CACNA2D3: variants seen among roughly 807,000 people sequenced by gnomAD.
CACNA2D3 encodes calcium voltage-gated channel auxiliary subunit alpha2delta 3.
A neutral mutation model predicts 160.6 loss-of-function variants in CACNA2D3; 60 were observed. That is an observed-to-expected ratio of 0.37 (90% CI 0.30 to 0.46). The LOEUF is 0.46. Ranked by LOEUF, CACNA2D3 falls within the 20% of genes least tolerant of loss-of-function variation. The pLI, the probability that CACNA2D3 is intolerant of heterozygous loss-of-function variation, is 1.00. For synonymous variants in CACNA2D3, 558 were observed against 492.9 expected (o/e 1.13, Z -1.75); for missense variants, 1,205 against 1,365.0 (o/e 0.88, Z 1.85).
chr3:54,947,751 G>T (rs577579993), intron 27 of CACNA2D3, among the ~76,000 whole-genome samples: 1 of 152,254 alleles, frequency 6.6e-6, no homozygotes, highest in Non-Finnish European at 1.5e-5. Context: ...TTCCAAATAT[G>T]AAGGGCTTGG....
intron 11 of CACNA2D3, among the ~76,000 whole-genome samples, chr3:54,707,074 C>T (rs984842995): frequency 3.9e-5 from 6 of 152,142 alleles, no homozygotes; most frequent in South Asian, 2.1e-4. Context: ...GCGTAGAAGG[C>T]GTATTAATGG....
intron 11 of CACNA2D3, among the ~76,000 whole-genome samples, chr3:54,736,029 A>G (rs867977983): frequency 1.4e-5 from 1 of 70,078 alleles, no homozygotes; most frequent in East Asian, 3.0e-4. Context: ...ACATACATAT[A>G]TATATGTATA....
chr3:54,590,689 CT>C (rs1702842054), intron 9 of CACNA2D3, among the ~76,000 whole-genome samples: 1 of 151,934 alleles, frequency 6.6e-6, no homozygotes, highest in Admixed American at 6.6e-5. Flanking sequence ...TCAAGTGATC[CT>C]GCTGTCTCCA....
intron 17 of CACNA2D3, among the ~76,000 whole-genome samples, chr3:54,851,098 TTTG>T (rs1699047320): frequency 6.6e-6 from 1 of 152,176 alleles, no homozygotes; most frequent in Non-Finnish European, 1.5e-5. Flanking sequence ...TTTTTATTTG[TTTG>T]TTGTTGTTGG....
intron 27 of CACNA2D3, among the ~76,000 whole-genome samples, chr3:54,962,334 A>G (rs1702049781): frequency 1.3e-5 from 2 of 152,022 alleles, no homozygotes; most frequent in Non-Finnish European, 1.5e-5. Context: ...CTGATATAAC[A>G]CTCTAAGGAA....
intron 31 of CACNA2D3, among the ~76,000 whole-genome samples, chr3:54,988,079 G>A (rs1702656753): frequency 6.6e-6 from 1 of 152,168 alleles, no homozygotes; most frequent in African/African-American, 2.4e-5. Flanking sequence ...GTTTTCACCT[G>A]GCCGGAAGGG....
intron 4 of CACNA2D3, among the ~76,000 whole-genome samples, chr3:54,468,535 T>G (rs1460488730): frequency 6.6e-6 from 1 of 152,162 alleles, no homozygotes; most frequent in African/African-American, 2.4e-5. Context: ...TAGCTGCAGT[T>G]TTTTTCATGT....
intron 10 of CACNA2D3, among the ~76,000 whole-genome samples, chr3:54,635,788 C>G (rs1343711429): frequency 6.6e-6 from 1 of 151,694 alleles, no homozygotes; most frequent in Non-Finnish European, 1.5e-5. Context: ...TGAAAAACTG[C>G]TTGGCTGATT....
intron 2 of CACNA2D3, among the ~76,000 whole-genome samples, chr3:54,244,185 T>G (rs915080980): frequency 4.6e-5 from 7 of 152,164 alleles, no homozygotes; most frequent in Non-Finnish European, 1.0e-4. Flanking sequence ...TCCTCCCACT[T>G]TCTTTTGGTA....
At chr3:54,522,933 T>TTTAC (rs61291743) in intron 5 of CACNA2D3, among the ~76,000 whole-genome samples, 8,949 of 135,258 alleles carry the variant, frequency 0.066, 476 homozygotes, top group East Asian at 0.26. Flanking sequence ...TATTTATTTA[T>TTTAC]TTACTTACTT....
At chr3:54,588,508 A>G (rs1300374065) in intron 9 of CACNA2D3, among the ~76,000 whole-genome samples, 1 of 152,168 alleles carries the variant, frequency 6.6e-6, no homozygotes, top group Non-Finnish European at 1.5e-5. Context: ...AAGAAGTAAA[A>G]CTTCCTATTT....
intron 35 of CACNA2D3, among the ~76,000 whole-genome samples, chr3:55,032,753 G>A (rs1243734284): frequency 6.6e-6 from 1 of 152,128 alleles, no homozygotes; most frequent in Non-Finnish European, 1.5e-5. Flanking sequence ...AAAAACCGGT[G>A]CCTGGCATTT....
intron 2 of CACNA2D3, among the ~76,000 whole-genome samples, chr3:54,140,901 A>C (rs533160540): frequency 1.3e-5 from 2 of 152,322 alleles, no homozygotes; most frequent in African/African-American, 4.8e-5. Context: ...TTACCAGCTG[A>C]GAAAACTGGG....
At chr3:54,242,224 C>A (rs1403845993) in intron 2 of CACNA2D3, among the ~76,000 whole-genome samples, 2 of 152,014 alleles carry the variant, frequency 1.3e-5, no homozygotes, top group African/African-American at 4.8e-5. Flanking sequence ...AGTTCCAGAC[C>A]AGCCTGGCCA....
At chr3:54,845,121 G>A (rs1056245290) in intron 16 of CACNA2D3, among the ~76,000 whole-genome samples, 2 of 151,336 alleles carry the variant, frequency 1.3e-5, no homozygotes, top group Admixed American at 1.3e-4. Context: ...TATCATTAGA[G>A]TCAAGTAGAA....
chr3:54,845,595 AC>A (rs1698915148), intron 16 of CACNA2D3, among the ~76,000 whole-genome samples: 1 of 152,256 alleles, frequency 6.6e-6, no homozygotes, highest in Non-Finnish European at 1.5e-5. Context: ...GGTGCAGTCA[AC>A]TGTGTAATAG....
intron 9 of CACNA2D3, among the ~76,000 whole-genome samples, chr3:54,616,611 T>C (rs560101114): frequency 6.6e-6 from 1 of 152,350 alleles, no homozygotes; most frequent in East Asian, 1.9e-4. Context: ...TTTTGGAGGC[T>C]GGCTGCCAAA....
Position 54,896,552 on chromosome 3 carries a change from C to T in CACNA2D3, c.2247-197C>T, listed in dbSNP as rs1700192944. The T allele has an allele frequency of 7.1e-6, 4 of 561,624 alleles. No homozygotes were observed. In the East Asian group the frequency reaches 1.1e-4, roughly 16 times the overall value. 34.8% of individuals were successfully genotyped at this position (561,624 alleles called of 1,614,324 possible). A position where few individuals can be genotyped will look rare whatever the true frequency, so the allele number is the denominator to read the frequency against. ...ATCATTTTACCCACTCAGAATTTGA[C>T]TCCCAGAGCTCTGCAAGATGTTTTT... On this transcript the variant is annotated intron_variant, in intron 25 of 37. Coordinates refer to ENST00000474759, the MANE Select transcript of CACNA2D3 (RefSeq NM_018398.3).
chr3:54,828,919 C>G (rs973724748), intron 14 of CACNA2D3, among the ~76,000 whole-genome samples: 1 of 152,158 alleles, frequency 6.6e-6, no homozygotes, highest in Non-Finnish European at 1.5e-5. Context: ...TTACACTTTA[C>G]CAAGACAATC....
Sources: allele counts gnomAD v4.1 joint callset (sites outside exome capture counted in the v4.1 genomes callset), GRCh38; gene constraint gnomAD v4.1.1; transcripts MANE v1.5; gene names NCBI Gene and HGNC (gene_info 2026-07-23, HGNC 2026-07-21).